MCM8: variants seen among roughly 807,000 people sequenced by gnomAD.
MCM8 encodes minichromosome maintenance 8 homologous recombination repair factor, also known as DNA helicase MCM8.
Under a neutral mutation model 98.9 loss-of-function variants are expected in MCM8, and 85 were observed. The ratio of observed to expected loss-of-function variants is 0.86; its 90% CI spans 0.72 to 1.03. The LOEUF (loss-of-function observed/expected upper bound fraction) is 1.03. Among genes scored for constraint, MCM8 ranks in the 50% least tolerant of loss-of-function variants. The pLI is 0.00. For missense variants in MCM8, 951 were observed against 997.8 expected (o/e 0.95, Z 0.63); for synonymous variants, 352 against 338.6 (o/e 1.04, Z -0.44).
At chr20:5,992,249 C>G (rs1001997042) in intron 17 of MCM8, among the ~76,000 whole-genome samples, 1 of 152,122 alleles carries the variant, frequency 6.6e-6, no homozygotes, top group Non-Finnish European at 1.5e-5. Flanking sequence ...TAACTTCTGG[C>G]AAGTCACTTT....
At chr20:5,984,750 C>T in intron 14 of MCM8, 31 bp from the exon 15 acceptor site, 1 of 1,535,872 alleles carries the variant, frequency 6.5e-7, no homozygotes, top group Non-Finnish European at 9.0e-7. Context: ...TGATTCCAAT[C>T]ATTGTTTCTT....
intron 17 of MCM8, among the ~76,000 whole-genome samples, chr20:5,990,058 TCA>T: frequency 6.6e-6 from 1 of 151,784 alleles, no homozygotes; most frequent in Admixed American, 6.6e-5. Flanking sequence ...TGGTATGGCA[TCA>T]CACAGTGCTT....
intron 17 of MCM8, among the ~76,000 whole-genome samples, chr20:5,988,817 C>G (rs1336458339): frequency 6.6e-6 from 1 of 152,142 alleles, no homozygotes; most frequent in African/African-American, 2.4e-5. Context: ...GTCCTAGTAG[C>G]TGCTGATTCT....
Position 5,967,959 on chromosome 20 carries a change from C to T in MCM8, c.1157C>T (p.Ser386Leu). 1 of 1,614,098 alleles carries T rather than the reference C, an allele frequency of 6.2e-7. No individual in the cohort carries two copies. Among genetic ancestry groups the T allele is most frequent in the Non-Finnish European group, 8.5e-7 (1 of 1,180,004 alleles). The change falls in exon 10 of 19, where the codon TCA becomes TTA. Residue 386 changes from serine to leucine, a missense_variant. By Grantham distance (145) the Ser-to-Leu change is moderately radical. Transcript: ENST00000610722. ...AAGCATGGAATGTTGATGGAGTTCT[C>T]ACTTAAAGACCTTTATGCCATCCAA... ...GCKHGMLMEFSLKDLYAIQEI... is the reference protein window; with the variant it reads ...GCKHGMLMEFLLKDLYAIQEI...
Position 5,995,839 on chromosome 20 carries a change from G to A in MCM8, c.*1448G>A, listed in dbSNP as rs925305452. 4 of 152,132 alleles carry A rather than the reference G, an allele frequency of 2.6e-5. No individual in the cohort carries two copies. Among genetic ancestry groups the A allele is most frequent in the Non-Finnish European group, 5.9e-5 (4 of 68,036 alleles). 9.4% of individuals were successfully genotyped at this position (152,132 alleles called of 1,614,324 possible). A position where few individuals can be genotyped will look rare whatever the true frequency, so the allele number is the denominator to read the frequency against. ...ATTGTTGGAGAATCTACTAAAATACGGCTTCCCGCAAACGAAGATGAATGG... is the reference window on the plus strand; with the variant it reads ...ATTGTTGGAGAATCTACTAAAATACAGCTTCCCGCAAACGAAGATGAATGG... On this transcript the variant is annotated 3_prime_UTR_variant, in exon 19 of 19. Transcript: ENST00000610722.
Position 5,995,084 on chromosome 20 carries a change from C to A in MCM8, c.*693C>A, listed in dbSNP as rs1376916025. The A allele has an allele frequency of 6.4e-6, 1 of 156,122 alleles. No homozygotes were observed. Among genetic ancestry groups the A allele is most frequent in the Non-Finnish European group, 1.4e-5 (1 of 70,424 alleles). 9.7% of individuals were successfully genotyped at this position (156,122 alleles called of 1,614,324 possible). A position where few individuals can be genotyped will look rare whatever the true frequency, so the allele number is the denominator to read the frequency against. ...TCAGATGTAGGCATACAGACAAATA[C>A]ATAAACCAATGAATATATTACATAT... is the stretch of plus-strand genomic sequence containing the variant. On this transcript the variant is annotated 3_prime_UTR_variant, in exon 19 of 19. Transcript: ENST00000610722.
At chr20:5,961,375 T>G (rs2089139408) in intron 7 of MCM8, among the ~76,000 whole-genome samples, 1 of 152,200 alleles carries the variant, frequency 6.6e-6, no homozygotes. Flanking sequence ...TTTGCTAAAT[T>G]TTTGCTCATG....
At position 5,963,467 on chromosome 20, in the gene MCM8, G is replaced by T. The variant is rs1189301576; in HGVS notation, c.875+108G>T. On this transcript the variant is annotated intron_variant, in intron 8 of 18. Transcript: ENST00000610722. ...GTACGTTTTATCTAAATGACAAAGTGTATAATAGTGTATAATAGATGGTTT... is the reference window on the plus strand; with the variant it reads ...GTACGTTTTATCTAAATGACAAAGTTTATAATAGTGTATAATAGATGGTTT... The T allele has an allele frequency of 8.6e-5, 47 of 545,682 alleles. No individual in the cohort carries two copies. In the Middle Eastern group the frequency reaches 1.4e-3, roughly 17 times the overall value. The allele number at this position is 545,682 out of a possible 1,614,324, so 33.8% of individuals were successfully genotyped here.
chr20:5,988,999 AAC>A (rs1480597156), intron 17 of MCM8, among the ~76,000 whole-genome samples: 4 of 152,166 alleles, frequency 2.6e-5, no homozygotes, highest in Non-Finnish European at 5.9e-5. Flanking sequence ...TCTGGTGTAA[AAC>A]ACACCACAAA....
At position 5,972,116 on chromosome 20, in the gene MCM8, G is replaced by A. The variant is rs896729452; in HGVS notation, c.1254+79G>A. On this transcript the variant is annotated intron_variant, in intron 11 of 18. Transcript: ENST00000610722. ...ACATATAAAAACTTTACAGAAAGTA[G>A]CAAATTTCTATTGGCCAGTTATTTA... 5 of 1,120,210 alleles carry A rather than the reference G, an allele frequency of 4.5e-6. No individual in the cohort carries two copies. In the Admixed American group the frequency reaches 6.6e-5, roughly 15 times the overall value. 69.4% of individuals were successfully genotyped at this position (1,120,210 alleles called of 1,614,324 possible).
chr20:5,970,271 G>A (rs1404278017), intron 10 of MCM8, among the ~76,000 whole-genome samples: 1 of 152,200 alleles, frequency 6.6e-6, no homozygotes, highest in Non-Finnish European at 1.5e-5. Context: ...CCCAGCCTAG[G>A]TGACAGTAGA....
intron 8 of MCM8, among the ~76,000 whole-genome samples, chr20:5,967,090 C>G (rs760302304): frequency 6.6e-6 from 1 of 152,186 alleles, no homozygotes; most frequent in Admixed American, 6.5e-5. Context: ...ATAGCTTTTG[C>G]CCATGTGTAT....
chr20:5,959,350 A>G (rs2089076050), intron 7 of MCM8, among the ~76,000 whole-genome samples: 3 of 152,214 alleles, frequency 2.0e-5, no homozygotes, highest in Admixed American at 1.3e-4. Flanking sequence ...TGCAACCACT[A>G]TGCTGAAATT....
rs1312490179 is a variant in MCM8 at position 5,960,473 on chromosome 20, A to G, written c.789+1747A>G. On this transcript the variant is annotated intron_variant, in intron 7 of 18. Transcript: ENST00000610722. Reference sequence around the variant, plus strand: ...ATTAGTTTATTGATAGGAGTTCTTTATACATTCTAGATACTAATTATTGTT... The same window carrying G: ...ATTAGTTTATTGATAGGAGTTCTTTGTACATTCTAGATACTAATTATTGTT... Among the ~76,000 whole-genome samples the G allele has an allele frequency of 3.3e-5, 5 of 152,120 alleles. No homozygotes were observed. In the South Asian group the frequency reaches 1.0e-3, roughly 32 times the overall value.
chr20:5,989,380 T>A (rs1157350792), intron 17 of MCM8, among the ~76,000 whole-genome samples: 2 of 152,068 alleles, frequency 1.3e-5, no homozygotes, highest in African/African-American at 2.4e-5. Context: ...CCTCCCAAAG[T>A]GCTGGGATTA....
chr20:5,989,120 CTTT>C (rs1172678780), intron 17 of MCM8, among the ~76,000 whole-genome samples: 47 of 120,278 alleles, frequency 3.9e-4, no homozygotes, highest in African/African-American at 1.4e-3. Context: ...TAGCGCAAGT[CTTT>C]TTTTTTTTTT....
intron 8 of MCM8, among the ~76,000 whole-genome samples, chr20:5,966,099 T>G (rs2089268968): frequency 6.6e-6 from 1 of 152,086 alleles, no homozygotes; most frequent in Non-Finnish European, 1.5e-5. Flanking sequence ...GCTATTGAAG[T>G]CTATTTGGTT....
intron 10 of MCM8, 69 bp from the exon 11 acceptor site, chr20:5,971,938 G>A (rs2089411960): frequency 7.3e-7 from 1 of 1,370,878 alleles, no homozygotes; most frequent in Non-Finnish European, 1.0e-6. Context: ...TAAACAAATT[G>A]TAGAGGAGAT....
At chr20:5,956,763 C>T (rs1284990116) in intron 5 of MCM8, among the ~76,000 whole-genome samples, 1 of 150,964 alleles carries the variant, frequency 6.6e-6, no homozygotes, top group African/African-American at 2.4e-5. Context: ...TTTTTATTTT[C>T]TGTGTCTTGA....
Sources: allele counts gnomAD v4.1 joint callset (sites outside exome capture counted in the v4.1 genomes callset), GRCh38; gene constraint gnomAD v4.1.1; transcripts MANE v1.5; gene names NCBI Gene and HGNC (gene_info 2026-07-23, HGNC 2026-07-21).